Variants in OR9Q1 observed in about 807,000 individuals in gnomAD.
OR9Q1 encodes olfactory receptor 9Q1.
For synonymous variants in OR9Q1, 153 were observed against 148.6 expected, an observed-to-expected ratio of 1.03 and a Z score of -0.22; for missense variants, 374 against 378.8, an observed-to-expected ratio of 0.99 and a Z score of 0.11.
chr11:58,119,837 C>T (rs7107162), intron 2 of OR9Q1, among the ~76,000 whole-genome samples: 25,866 of 152,140 alleles, frequency 0.17, 2,344 homozygotes, highest in Non-Finnish European at 0.2. Flanking sequence ...GCAAACAGTT[C>T]CACCTGTTGA....
chr11:58,084,451 A>G lies in OR9Q1; in HGVS notation c.-15+28504A>G, dbSNP rs867821478. On this transcript the variant is annotated intron_variant, in intron 2 of 2. Coordinates refer to ENST00000335397, the MANE Select transcript of OR9Q1 (RefSeq NM_001005212.4). ...CCATAACTGATTATATGAAGCTGGC[A>G]TCAGCCTAATATCAAAATCTGACAG... 2.6e-5 allele frequency among the ~76,000 whole-genome samples: 4 copies of G among 152,034 alleles called. No homozygotes were observed. In the South Asian group the frequency reaches 8.3e-4, roughly 32 times the overall value.
At chr11:58,170,450 C>T (rs1854544121) in intron 2 of OR9Q1, among the ~76,000 whole-genome samples, 1 of 152,078 alleles carries the variant, frequency 6.6e-6, no homozygotes, top group Admixed American at 6.6e-5. Flanking sequence ...TCAGGAATTC[C>T]AAAGAAATCC....
chr11:58,110,364 G>A lies in OR9Q1; in HGVS notation c.-15+54417G>A, dbSNP rs947777395. 1.1e-4 allele frequency among the ~76,000 whole-genome samples: 16 copies of A among 152,054 alleles called. No individual in the cohort carries two copies. The South Asian group carries it at 1.7e-3, about 16-fold the overall frequency. On this transcript the variant is annotated intron_variant, in intron 2 of 2. Transcript: ENST00000335397. ...CCAACAATTCCTTGTGAGCACTTTC[G>A]TAATCTATTTTTGCTCTCCTATGAA...
chr11:58,143,797 C>A (rs1854273535), intron 2 of OR9Q1, among the ~76,000 whole-genome samples: 3 of 152,054 alleles, frequency 2.0e-5, no homozygotes, highest in African/African-American at 7.2e-5. Context: ...AGCAAACCAC[C>A]ATGACACACA....
intron 2 of OR9Q1, among the ~76,000 whole-genome samples, chr11:58,082,196 C>T (rs762899130): frequency 1.1e-4 from 16 of 152,112 alleles, no homozygotes; most frequent in African/African-American, 3.4e-4. Flanking sequence ...TTGTGGAAGT[C>T]GGTGTGGCAA....
intron 2 of OR9Q1, among the ~76,000 whole-genome samples, chr11:58,167,560 ATTTT>A (rs1854516769): frequency 1.3e-5 from 2 of 152,158 alleles, no homozygotes; most frequent in African/African-American, 4.8e-5. Context: ...TTATTGCTTA[ATTTT>A]TAGTTGCGTC....
At chr11:58,126,325 A>T (rs976644093) in intron 2 of OR9Q1, among the ~76,000 whole-genome samples, 3 of 152,106 alleles carry the variant, frequency 2.0e-5, no homozygotes, top group Non-Finnish European at 2.9e-5. Flanking sequence ...GTTCCTGGAG[A>T]ACCTATCTTT....
intron 2 of OR9Q1, among the ~76,000 whole-genome samples, chr11:58,155,289 C>G (rs1001608829): frequency 6.6e-6 from 1 of 152,132 alleles, no homozygotes; most frequent in Admixed American, 6.5e-5. Context: ...CTGCTTTACT[C>G]AAAGTCAACT....
intron 2 of OR9Q1, among the ~76,000 whole-genome samples, chr11:58,108,471 A>G (rs1055921846): frequency 6.6e-5 from 10 of 152,144 alleles, no homozygotes; most frequent in African/African-American, 2.4e-4. Context: ...TAGCCCTAGA[A>G]TCCAGAAAGT....
At chr11:58,077,538 G>A (rs543566886) in intron 2 of OR9Q1, 1 of 152,290 alleles carries the variant, frequency 6.6e-6, no homozygotes, top group Admixed American at 6.5e-5. Flanking sequence ...CCCAAAGGAA[G>A]GTCATAGCAG....
chr11:58,079,011 T>C (rs1159968956), intron 2 of OR9Q1, among the ~76,000 whole-genome samples: 1 of 152,222 alleles, frequency 6.6e-6, no homozygotes, highest in Non-Finnish European at 1.5e-5. Flanking sequence ...CTGATCCTTG[T>C]AGACCATTTG....
Position 58,179,707 on chromosome 11 carries a change from A to T in OR9Q1, c.263A>T (p.His88Leu). 6.2e-7 allele frequency: 1 copy of T among 1,614,172 alleles called. No individual in the cohort carries two copies. The highest frequency in any genetic ancestry group is 8.5e-7 in the Non-Finnish European group (1 of 1,180,022). The change falls in exon 3 of 3, where the codon CAT (histidine) becomes CTT (leucine). Residue 88 changes from histidine (H) to leucine (L), a missense_variant. By Grantham distance (99) the His-to-Leu change is moderately conservative. Transcript: ENST00000335397. ...CAGATGCTGGCAGTGCTGCTGGAGC[A>T]TGGGGCAGCTTTATCTTACACACGC... is the stretch of plus-strand genomic sequence containing the variant. The part of the protein sequence containing the change: ...VPQMLAVLLE[H>L]GAALSYTRCA...
chr11:58,131,818 T>G (rs2119844395), intron 2 of OR9Q1, among the ~76,000 whole-genome samples: 1 of 152,270 alleles, frequency 6.6e-6, no homozygotes, highest in South Asian at 2.1e-4. Flanking sequence ...TGGGGTGGCT[T>G]ATAGGCCTCT....
intron 2 of OR9Q1, among the ~76,000 whole-genome samples, chr11:58,156,714 T>G (rs1232688279): frequency 6.6e-6 from 1 of 152,224 alleles, no homozygotes; most frequent in Non-Finnish European, 1.5e-5. Context: ...TCCCTGAGAC[T>G]TCTTCTGTGT....
chr11:58,036,212 G>T (rs56023680), intron 1 of OR9Q1, among the ~76,000 whole-genome samples: 1 of 152,134 alleles, frequency 6.6e-6, no homozygotes, highest in East Asian at 1.9e-4. Context: ...TGTGTGTTCC[G>T]ACTGCTTCAC....
At chr11:58,093,057 T>C (rs940317053) in intron 2 of OR9Q1, among the ~76,000 whole-genome samples, 1 of 152,180 alleles carries the variant, frequency 6.6e-6, no homozygotes. Context: ...ACTCTGTCTA[T>C]TCTAAAAATG....
At chr11:58,080,867 T>C (rs1853580823) in intron 2 of OR9Q1, among the ~76,000 whole-genome samples, 1 of 152,198 alleles carries the variant, frequency 6.6e-6, no homozygotes, top group Non-Finnish European at 1.5e-5. Flanking sequence ...GTGCACCACC[T>C]GCAGGTTTGT....
intron 2 of OR9Q1, among the ~76,000 whole-genome samples, chr11:58,064,300 C>T (rs1853408254): frequency 6.6e-6 from 1 of 152,230 alleles, no homozygotes; most frequent in South Asian, 2.1e-4. Flanking sequence ...GTCCAATACT[C>T]GTCTCCCGTT....
chr11:58,152,422 G>GAGCA lies in OR9Q1; in HGVS notation c.-14-27008_-14-27005dup, dbSNP rs1854362282. ...TACCCTATGATCTGACAGCACTTGG[G>GAGCA]AGCATTTGTTTTAAAATTTCATGGC... is the stretch of plus-strand genomic sequence containing the variant. On this transcript the variant is annotated intron_variant, in intron 2 of 2. Transcript: ENST00000335397. 2.0e-5 allele frequency among the ~76,000 whole-genome samples: 3 copies of GAGCA among 152,110 alleles called. No individual in the cohort carries two copies. In the South Asian group the frequency reaches 6.2e-4, roughly 32 times the overall value.
Sources: allele counts gnomAD v4.1 joint callset (sites outside exome capture counted in the v4.1 genomes callset), GRCh38; gene constraint gnomAD v4.1.1; transcripts MANE v1.5; gene names NCBI Gene and HGNC (gene_info 2026-07-23, HGNC 2026-07-21).